MMS22L: variants seen among roughly 807,000 people sequenced by gnomAD.
MMS22L encodes the protein protein MMS22-like.
A neutral mutation model predicts 159.1 loss-of-function variants in MMS22L; 74 were observed. The observed-to-expected ratio is 0.47, with a 90% confidence interval of 0.39 to 0.56. The LOEUF is 0.56. Among genes scored for constraint, MMS22L ranks in the 20% least tolerant of loss-of-function variants. The pLI, the probability that MMS22L is intolerant of heterozygous loss-of-function variation, is 0.00. For missense variants in MMS22L, 1,351 were observed against 1,422.1 expected (o/e 0.95, Z 0.80); for synonymous variants, 517 against 506.9 (o/e 1.02, Z -0.27).
Position 97,231,568 on chromosome 6 carries a change from T to C in MMS22L, c.1387A>G (p.Lys463Glu), listed in dbSNP as rs1285035296. 2.5e-6 allele frequency: 4 copies of C among 1,613,894 alleles called. No individual in the cohort carries two copies. Among genetic ancestry groups the C allele is most frequent in the Middle Eastern group, 3.3e-4 (2 of 6,056 alleles). The change falls in exon 13 of 25, where the codon AAG becomes GAG. Residue 463 changes from lysine to glutamate, a missense_variant. Physicochemically the swap from Lys to Glu is moderately conservative, Grantham distance 56 (BLOSUM62 1). Coordinates refer to ENST00000683635, the MANE Select transcript of MMS22L (RefSeq NM_001350599.2). ...TCTTGTTTATCGCAACAGCAAGTCTTCACCATTTCAAGCATAGACAAGGGT... is the reference window on the plus strand; with the variant it reads ...TCTTGTTTATCGCAACAGCAAGTCTCCACCATTTCAAGCATAGACAAGGGT... ...KSPLSMLEMV[K>E]TCCCDKQDQE...
At chr6:97,243,279 A>C (rs1812276028) in intron 11 of MMS22L, among the ~76,000 whole-genome samples, 2 of 152,190 alleles carry the variant, frequency 1.3e-5, no homozygotes, top group South Asian at 4.1e-4. Flanking sequence ...TTTTTAAAAA[A>C]TTCTTTTTTC....
intron 11 of MMS22L, among the ~76,000 whole-genome samples, chr6:97,243,350 T>C (rs187236801): frequency 1.4e-4 from 22 of 152,236 alleles, no homozygotes; most frequent in Non-Finnish European, 2.8e-4. Flanking sequence ...ATGCTCTTTC[T>C]TCTACTTGTT....
At chr6:97,253,108 C>T (rs950414378) in intron 10 of MMS22L, among the ~76,000 whole-genome samples, 18 of 152,290 alleles carry the variant, frequency 1.2e-4, no homozygotes, top group African/African-American at 4.3e-4. Flanking sequence ...TACACTGATA[C>T]TGGGCCGTGT....
At chr6:97,275,774 G>T (rs1001013411) in intron 4 of MMS22L, among the ~76,000 whole-genome samples, 1 of 152,194 alleles carries the variant, frequency 6.6e-6, no homozygotes, top group Non-Finnish European at 1.5e-5. Flanking sequence ...GGAGGCCAAG[G>T]CGGGAGGATC....
chr6:97,254,814 T>C, intron 9 of MMS22L, 81 bp from the exon 10 acceptor site: 1 of 1,147,280 alleles, frequency 8.7e-7, no homozygotes, highest in Non-Finnish European at 1.2e-6. Flanking sequence ...ATTTTTATAA[T>C]GAAGCATATA....
At chr6:97,183,074 C>T (rs968562282) in intron 15 of MMS22L, among the ~76,000 whole-genome samples, 1 of 152,130 alleles carries the variant, frequency 6.6e-6, no homozygotes, top group Non-Finnish European at 1.5e-5. Context: ...ACCCAGCGAC[C>T]TTGGCATTAC....
chr6:97,198,394 CCAGACGTGGTAGAG>C (rs1367922753), intron 14 of MMS22L, among the ~76,000 whole-genome samples: 2 of 152,158 alleles, frequency 1.3e-5, no homozygotes, highest in Admixed American at 6.6e-5. Context: ...AGCTGAGGCT[CCAGACGTGGTAGAG>C]CAGATAAGAG....
At chr6:97,246,792 T>C in intron 10 of MMS22L, 102 bp from the exon 11 acceptor site, 1 of 694,436 alleles carries the variant, frequency 1.4e-6, no homozygotes, top group Middle Eastern at 2.9e-4. Flanking sequence ...TTTTCCTCTA[T>C]CATTCAGCAT....
At chr6:97,148,725 A>T (rs920872274) in intron 24 of MMS22L, among the ~76,000 whole-genome samples, 1 of 152,160 alleles carries the variant, frequency 6.6e-6, no homozygotes, top group African/African-American at 2.4e-5. Flanking sequence ...AGAGTAAGCT[A>T]AGGTTAATGT....
intron 9 of MMS22L, among the ~76,000 whole-genome samples, chr6:97,263,086 A>G (rs1814672169): frequency 6.6e-6 from 1 of 152,176 alleles, no homozygotes; most frequent in Admixed American, 6.5e-5. Context: ...GAACAACAAC[A>G]ACAAAACTTG....
In MMS22L at chr6:97,178,554, C is replaced by G. The variant is rs752160525; in HGVS notation, c.2568G>C (p.Leu856=). Reference sequence around the variant, plus strand: ...CTGAGAGATTAAATAGTAATCTTGTCAGTTTGACCAACTGTTTCATGTACT... The same window carrying G: ...CTGAGAGATTAAATAGTAATCTTGTGAGTTTGACCAACTGTTTCATGTACT... ...EKEYMKQLVK[L]TRLLFNLSEV... is the part of the protein sequence containing the mutation. The change falls in exon 18 of 25, where the codon CTG becomes CTC. Residue 856 remains leucine, a synonymous_variant. Coordinates refer to ENST00000683635, the MANE Select transcript of MMS22L (RefSeq NM_001350599.2). 9 of 1,551,176 alleles carry G rather than the reference C, an allele frequency of 5.8e-6. No individual in the cohort carries two copies. In the South Asian group the frequency reaches 7.1e-5, roughly 12 times the overall value.
At chr6:97,204,928 G>T (rs1807600755) in intron 14 of MMS22L, among the ~76,000 whole-genome samples, 3 of 130,346 alleles carry the variant, frequency 2.3e-5, no homozygotes, top group African/African-American at 2.8e-5. Context: ...TGAGGGCCAT[G>T]TACAGTGTCT....
intron 14 of MMS22L, among the ~76,000 whole-genome samples, chr6:97,193,076 G>C (rs551395553): frequency 6.5e-4 from 99 of 152,228 alleles, no homozygotes; most frequent in African/African-American, 2.2e-3. Context: ...TCATATGTAA[G>C]TTCTTAATAA....
intron 14 of MMS22L, among the ~76,000 whole-genome samples, chr6:97,187,146 A>T (rs944844042): frequency 6.6e-6 from 1 of 152,210 alleles, no homozygotes; most frequent in Non-Finnish European, 1.5e-5. Context: ...TTTAGAAGAC[A>T]CAGGCCTTGT....
intron 24 of MMS22L, among the ~76,000 whole-genome samples, chr6:97,149,450 C>T (rs1403209856): frequency 6.6e-6 from 1 of 152,050 alleles, no homozygotes; most frequent in African/African-American, 2.4e-5. Context: ...ACACATGATA[C>T]AGTTGACTAA....
chr6:97,270,159 T>C (rs1815571842), intron 6 of MMS22L, 167 bp from the exon 7 acceptor site: 3 of 648,340 alleles, frequency 4.6e-6, no homozygotes, highest in Admixed American at 2.6e-5. Flanking sequence ...GAGGATTCTT[T>C]CACTGAAGAT....
chr6:97,254,805 T>C, intron 9 of MMS22L, 72 bp from the exon 10 acceptor site: 1 of 1,253,092 alleles, frequency 8.0e-7, no homozygotes, highest in Non-Finnish European at 1.1e-6. Context: ...TTTTTCTCTA[T>C]TTTTATAATG....
chr6:97,283,509 GT>G (rs1816962094), upstream of MMS22L: 1 of 152,198 alleles, frequency 6.6e-6, no homozygotes, highest in Non-Finnish European at 1.5e-5. Context: ...TGAGTGCCTC[GT>G]TCACACCCAC....
Position 97,186,544 on chromosome 6 carries a change from C to G in MMS22L, c.2186G>C (p.Arg729Thr). The G allele has an allele frequency of 1.2e-6, 2 of 1,613,206 alleles. No homozygotes were observed. The highest frequency in any genetic ancestry group is 1.3e-5 in the African/African-American group (1 of 75,002). Residue 729 changes from arginine (R) to threonine (T), a missense_variant, in exon 15 of 25, where the codon AGA (arginine) becomes ACA (threonine). Coordinates refer to ENST00000683635, the MANE Select transcript of MMS22L (RefSeq NM_001350599.2). ...RHFFSFLKSQ[R>T]MSQVVPFSQL... Reference sequence around the variant, plus strand: ...TGAGAAAGGCACTACCTGTGACATTCTCTGACTCTTCAAAAATGAAAAGAA... The same window carrying G: ...TGAGAAAGGCACTACCTGTGACATTGTCTGACTCTTCAAAAATGAAAAGAA...
Sources: gnomAD v4.1 joint callset for allele counts (sites outside exome capture counted in the v4.1 genomes callset) on GRCh38, gnomAD v4.1.1 for gene constraint, MANE v1.5 for transcripts, NCBI Gene and HGNC (gene_info 2026-07-23, HGNC 2026-07-21) for gene names.